The following KAZN variants were observed in gnomAD, a reference collection of about 807,000 sequenced individuals.
KAZN encodes kazrin.
In KAZN, 40 loss-of-function variants were observed where a neutral mutation model predicts 87.4. The ratio of observed to expected loss-of-function variants is 0.46; its 90% confidence interval spans 0.36 to 0.60. The LOEUF is 0.60. Ranked by LOEUF, KAZN falls within the 20% of genes least tolerant of loss-of-function variation. The pLI is 0.00. For synonymous variants in KAZN, 466 were observed against 458.3 expected, an observed-to-expected ratio of 1.02 and a Z score of -0.22; for missense variants, 898 against 1,073.9, an observed-to-expected ratio of 0.84 and a Z score of 2.29.
intron 2 of KAZN, among the ~76,000 whole-genome samples, chr1:14,989,932 C>T (rs1667188399): frequency 6.6e-6 from 1 of 152,160 alleles, no homozygotes. Flanking sequence ...AGATAGGCAT[C>T]GATGTTTAAC....
intron 1 of KAZN, among the ~76,000 whole-genome samples, chr1:14,132,115 C>T (rs1028639095): frequency 3.3e-5 from 5 of 152,122 alleles, no homozygotes; most frequent in Non-Finnish European, 7.4e-5. Context: ...ACAAATGAGG[C>T]TCAGCCCTAC....
In KAZN at chr1:14,315,215, G is replaced by A. The variant is rs140774703; in HGVS notation, c.249+134623G>A. Among the ~76,000 whole-genome samples the A allele has an allele frequency of 2.2e-3, 339 of 152,166 alleles. 3 individuals are homozygous for A. The highest frequency in any genetic ancestry group is 3.4e-4 in the Non-Finnish European group (23 of 67,980). On this transcript the variant is annotated intron_variant, in intron 2 of 16. Transcript: ENST00000636203. The stretch of plus-strand genomic sequence containing the variant: ...CTGTCTCCAAAACCACAGAAGAAAT[G>A]TTCCTTAAGGGAAGTTCCTTGTCTG...
intron 1 of KAZN, among the ~76,000 whole-genome samples, chr1:14,173,005 A>G (rs1244361357): frequency 2.6e-5 from 4 of 152,148 alleles, no homozygotes; most frequent in Non-Finnish European, 5.9e-5. Context: ...CAGAAGCTGC[A>G]AGACCTCTTA....
intron 1 of KAZN, among the ~76,000 whole-genome samples, chr1:14,650,273 G>A (rs991612700): frequency 4.6e-5 from 7 of 152,016 alleles, no homozygotes; most frequent in South Asian, 2.1e-4. Flanking sequence ...AAAGACTTAC[G>A]GCTGGGCACC....
chr1:14,821,947 A>G (rs143735526), intron 1 of KAZN, among the ~76,000 whole-genome samples: 1 of 152,320 alleles, frequency 6.6e-6, no homozygotes, highest in African/African-American at 2.4e-5. Context: ...ACCAGACCAC[A>G]CTGCCTCTTG....
chr1:14,045,472 TA>T (rs1398406979), intron 1 of KAZN, among the ~76,000 whole-genome samples: 1 of 152,208 alleles, frequency 6.6e-6, no homozygotes, highest in Non-Finnish European at 1.5e-5. Context: ...AACCCAATTG[TA>T]AGGATCAAAT....
chr1:14,622,872 AC>A (rs1678823442), intron 1 of KAZN, among the ~76,000 whole-genome samples: 1 of 151,978 alleles, frequency 6.6e-6, no homozygotes, highest in Non-Finnish European at 1.5e-5. Context: ...ATGCTTAAAT[AC>A]CTGTATGACC....
At chr1:13,950,356 C>T (rs1641299358) in intron 1 of KAZN, among the ~76,000 whole-genome samples, 1 of 152,184 alleles carries the variant, frequency 6.6e-6, no homozygotes. Context: ...CCTTTTGTAC[C>T]CATTTCTGGG....
chr1:14,499,785 TCA>T (rs1670143066), intron 2 of KAZN, among the ~76,000 whole-genome samples: 1 of 152,172 alleles, frequency 6.6e-6, no homozygotes, highest in South Asian at 2.1e-4. Context: ...GGCTTGGGCC[TCA>T]GTTGTACTCC....
At chr1:14,452,789 A>G (rs900852346) in intron 2 of KAZN, among the ~76,000 whole-genome samples, 15 of 152,214 alleles carry the variant, frequency 9.9e-5, no homozygotes, top group Non-Finnish European at 1.8e-4. Context: ...CCAAGCATCA[A>G]GGGATTCCCA....
chr1:13,911,664 T>A (rs1271151893), intron 1 of KAZN, among the ~76,000 whole-genome samples: 1 of 152,218 alleles, frequency 6.6e-6, no homozygotes, highest in Non-Finnish European at 1.5e-5. Context: ...AATTTTCATT[T>A]TGAAACCTGC....
At chr1:14,572,677 C>T (rs915225589) in intron 2 of KAZN, among the ~76,000 whole-genome samples, 1 of 152,180 alleles carries the variant, frequency 6.6e-6, no homozygotes, top group African/African-American at 2.4e-5. Flanking sequence ...CCAGGCAGAG[C>T]ATGTAGGGGC....
At chr1:14,386,655 G>T (rs1661922216) in intron 2 of KAZN, among the ~76,000 whole-genome samples, 2 of 152,110 alleles carry the variant, frequency 1.3e-5, no homozygotes, top group Admixed American at 1.3e-4. Context: ...ACTCTCTTCT[G>T]GTTTGTAGAG....
At chr1:15,078,530 T>C (rs1639857698) in intron 8 of KAZN, among the ~76,000 whole-genome samples, 1 of 152,184 alleles carries the variant, frequency 6.6e-6, no homozygotes, top group Admixed American at 6.5e-5. Context: ...GATAAGGCTT[T>C]GTTCTCTAAT....
chr1:14,376,360 G>A (rs1194568425), intron 2 of KAZN, among the ~76,000 whole-genome samples: 7 of 152,254 alleles, frequency 4.6e-5, no homozygotes, highest in Non-Finnish European at 7.4e-5. Flanking sequence ...AGGTAACTAG[G>A]TTATAAGGGG....
intron 1 of KAZN, among the ~76,000 whole-genome samples, chr1:14,114,260 C>G (rs1274791273): frequency 2.0e-5 from 3 of 152,106 alleles, no homozygotes; most frequent in African/African-American, 7.2e-5. Context: ...CCGAATATGT[C>G]ATGTTTCAGC....
rs369244789 is a variant in KAZN, at chr1:15,033,020, AT to A, written c.419-1720del. Among the ~76,000 whole-genome samples, 398 of 151,856 alleles carry A rather than the reference AT, an allele frequency of 2.6e-3. 9 individuals are homozygous for A. The East Asian group carries it at 0.056, about 21-fold the overall frequency. On this transcript the variant is annotated intron_variant, in intron 2 of 14. Transcript: ENST00000376030. Reference sequence around the variant, plus strand: ...TTGTATCTATACTGAACATGTACAGATTTTTTTTTCTTGTCATTATTCCCAA... The same window carrying A: ...TTGTATCTATACTGAACATGTACAGATTTTTTTTCTTGTCATTATTCCCAA...
At chr1:14,485,884 C>A (rs1669326889) in intron 2 of KAZN, among the ~76,000 whole-genome samples, 2 of 144,656 alleles carry the variant, frequency 1.4e-5, no homozygotes, top group African/African-American at 5.2e-5. Context: ...CAGAGCGAGA[C>A]TCCATCTCAA....
intron 1 of KAZN, among the ~76,000 whole-genome samples, chr1:14,684,402 A>G (rs894183824): frequency 3.4e-4 from 51 of 152,142 alleles, no homozygotes; most frequent in African/African-American, 1.2e-3. Context: ...CAAAATGGGG[A>G]TAAATCCTGC....
Sources: allele counts gnomAD v4.1 joint callset (sites outside exome capture counted in the v4.1 genomes callset), GRCh38; gene constraint gnomAD v4.1.1; transcripts MANE v1.5; gene names NCBI Gene and HGNC (gene_info 2026-07-23, HGNC 2026-07-21).